The following NF1 variants were observed in gnomAD, a reference collection of about 807,000 sequenced individuals.
NF1 encodes neurofibromin 1.
Under a neutral mutation model 325.7 loss-of-function variants are expected in NF1, and 122 were observed. The observed-to-expected ratio is 0.37, with a 90% CI of 0.32 to 0.44. The LOEUF is 0.44. Ranked by LOEUF, NF1 falls within the 20% of genes least tolerant of loss-of-function variation. The pLI is 1.00. For missense variants in NF1, 2,140 were observed against 3,415.4 expected (o/e 0.63, Z 9.31); for synonymous variants, 1,091 against 1,186.0 (o/e 0.92, Z 1.65).
intron 36 of NF1, among the ~76,000 whole-genome samples, chr17:31,275,577 TG>T (rs2067990829): frequency 6.6e-6 from 1 of 152,216 alleles, no homozygotes; most frequent in Non-Finnish European, 1.5e-5. Context: ...CAGCATATAT[TG>T]GGTTCAATAC....
intron 38 of NF1, among the ~76,000 whole-genome samples, chr17:31,329,281 C>T (rs2069422588): frequency 6.6e-6 from 1 of 152,202 alleles, no homozygotes; most frequent in Non-Finnish European, 1.5e-5. Context: ...ATTCAAAGAT[C>T]TTCATTGAAA....
At chr17:31,197,087 C>T (rs2066446211) in intron 8 of NF1, among the ~76,000 whole-genome samples, 1 of 151,840 alleles carries the variant, frequency 6.6e-6, no homozygotes, top group Non-Finnish European at 1.5e-5. Context: ...CTCTGTTGCC[C>T]AGGCTGGAGT....
intron 36 of NF1, among the ~76,000 whole-genome samples, chr17:31,266,955 G>C (rs17884795): frequency 6.6e-6 from 1 of 150,534 alleles, no homozygotes; most frequent in Non-Finnish European, 1.5e-5. Context: ...TTTTGAAATG[G>C]AGTTTCACTC....
rs117255670 is a variant in NF1, at chr17:31,322,763, A to G, written c.4836-3057A>G. On this transcript the variant is annotated intron_variant, in intron 36 of 57. Transcript: ENST00000358273. ...CTGTTCATGATAGCAACATTCTAAT[A>G]TCAGAGGCTTAGTATACAACACATC... is the stretch of plus-strand genomic sequence containing the variant. Among the ~76,000 whole-genome samples, 754 of 152,310 alleles carry G rather than the reference A, an allele frequency of 5.0e-3. 6 individuals are homozygous for G. Among genetic ancestry groups the G allele is most frequent in the Non-Finnish European group, 9.1e-3 (618 of 68,012 alleles).
chr17:31,278,203 A>C (rs1205889935), intron 36 of NF1: 1 of 152,224 alleles, frequency 6.6e-6, no homozygotes, highest in Admixed American at 6.5e-5. Context: ...AAATGTTTCC[A>C]GAACTGTCTT....
chr17:31,349,109 G>T lies in NF1; in HGVS notation c.7190-11G>T. The T allele has an allele frequency of 6.4e-7, 1 of 1,568,768 alleles. No individual in the cohort carries two copies. Among genetic ancestry groups the T allele is most frequent in the South Asian group, 1.2e-5 (1 of 86,158 alleles). ...TACTTGTTTGTTTGTTTGTTTGTTT[G>T]TTTTTTGTAGGGTACAGGCATCCTT... On this transcript the variant is annotated splice_polypyrimidine_tract_variant and intron_variant, in intron 48 of 57. Transcript: ENST00000358273.
rs1254791952 is a variant in NF1, at chr17:31,259,022, T to C, written c.4333-10T>C. ...AATCTGATTATTTATAACCCTGTTT[T>C]ATTGTGTAGATACTTCAGAGTATTG... is the stretch of plus-strand genomic sequence containing the variant. On this transcript the variant is annotated splice_polypyrimidine_tract_variant and intron_variant, in intron 32 of 57. Coordinates refer to ENST00000358273, the MANE Select transcript of NF1 (RefSeq NM_001042492.3). 6.5e-7 allele frequency: 1 copy of C among 1,541,036 alleles called. No individual in the cohort carries two copies. The highest frequency in any genetic ancestry group is 8.9e-7 in the Non-Finnish European group (1 of 1,121,174).
intron 36 of NF1, among the ~76,000 whole-genome samples, chr17:31,278,407 GT>G (rs376109355): frequency 0.68 from 74,273 of 109,556 alleles, 23,542 homozygotes; most frequent in Middle Eastern, 0.84. Flanking sequence ...GATTTTTTGG[GT>G]TTTTTTTTTT....
chr17:31,296,435 G>T, intron 36 of NF1: 1 of 1,118,210 alleles, frequency 8.9e-7, no homozygotes. Flanking sequence ...AATAAACCTC[G>T]TTGTTGTCGA....
chr17:31,134,912 T>C (rs1423010554), intron 1 of NF1, among the ~76,000 whole-genome samples: 2 of 152,122 alleles, frequency 1.3e-5, no homozygotes, highest in Admixed American at 6.6e-5. Flanking sequence ...ACAACCCGAA[T>C]ACCAGATGAG....
chr17:31,166,596 G>A (rs1470869873), intron 4 of NF1, among the ~76,000 whole-genome samples: 1 of 152,144 alleles, frequency 6.6e-6, no homozygotes, highest in Non-Finnish European at 1.5e-5. Flanking sequence ...ACTCTTAGAA[G>A]GTAAACAGCT....
intron 29 of NF1, among the ~76,000 whole-genome samples, chr17:31,244,928 C>A (rs1214711956): frequency 3.3e-5 from 5 of 152,186 alleles, no homozygotes; most frequent in African/African-American, 1.2e-4. Context: ...CTTTGAAAAT[C>A]AACTTGGGAA....
At position 31,115,401 on chromosome 17, in the gene NF1, G is replaced by C. The variant is rs577782954; in HGVS notation, c.60+20032G>C. Among the ~76,000 whole-genome samples, 173 of 152,290 alleles carry C rather than the reference G, an allele frequency of 1.1e-3. 1 individual carries two copies. The highest frequency in any genetic ancestry group is 3.9e-3 in the African/African-American group (162 of 41,584). On this transcript the variant is annotated intron_variant, in intron 1 of 57. Transcript: ENST00000358273. ...GTGGAACTGTGTGGAATCATTCCCT[G>C]CTTGGGAACCAAGGCCTCCAATCCA...
chr17:31,274,948 G>C (rs905888472), intron 36 of NF1, among the ~76,000 whole-genome samples: 2 of 151,858 alleles, frequency 1.3e-5, no homozygotes, highest in Admixed American at 1.3e-4. Context: ...ATAATCTCTT[G>C]GTTAATTGTA....
At chr17:31,368,131 T>A (rs1218543819) in intron 57 of NF1, among the ~76,000 whole-genome samples, 1 of 152,154 alleles carries the variant, frequency 6.6e-6, no homozygotes, top group Non-Finnish European at 1.5e-5. Flanking sequence ...TGAACGTCAT[T>A]TTTAAAAATT....
intron 31 of NF1, among the ~76,000 whole-genome samples, chr17:31,257,410 A>G (rs1045474237): frequency 6.6e-6 from 1 of 152,204 alleles, no homozygotes; most frequent in African/African-American, 2.4e-5. Flanking sequence ...ACTGCAAAAT[A>G]TAATTTTCAT....
In NF1 at chr17:31,327,784, G is replaced by A. The variant is rs1436590774; in HGVS notation, c.5554G>A (p.Gly1852Arg). Residue 1852 changes from glycine (G) to arginine (R), a missense_variant, in exon 38 of 58, where the codon GGG (glycine) becomes AGG (arginine). Transcript: ENST00000358273. ...CAAGATTCGGCCAAAAGATGTCCCT[G>A]GGACACTGCTCAATATCGCATTACT... ...HTKIRPKDVP[G>R]TLLNIALLNL... 1 of 1,614,118 alleles carries A rather than the reference G, an allele frequency of 6.2e-7. No homozygotes were observed. Among genetic ancestry groups the A allele is most frequent in the Non-Finnish European group, 8.5e-7 (1 of 1,180,024 alleles).
Position 31,330,416 on chromosome 17 carries a change from T to G in NF1, c.5730T>G (p.Ser1910=). 6.2e-7 allele frequency: 1 copy of G among 1,613,808 alleles called. No individual in the cohort carries two copies. Among genetic ancestry groups the G allele is most frequent in the Non-Finnish European group, 8.5e-7 (1 of 1,179,690 alleles). ...CCAACAACACCCTCTTTATTGTCTC[T>G]ATTAGTAAGACACTGGCAGCCAATG... The part of the protein sequence containing the change: ...IPANNTLFIV[S]ISKTLAANEP... The change falls in exon 39 of 58, where the codon TCT becomes TCG. Residue 1910 remains serine, a synonymous_variant. Coordinates refer to ENST00000358273, the MANE Select transcript of NF1 (RefSeq NM_001042492.3).
intron 56 of NF1, 107 bp from the exon 57 acceptor site, chr17:31,360,380 G>T (rs545260566): frequency 2.1e-6 from 2 of 941,432 alleles, no homozygotes; most frequent in Non-Finnish European, 3.3e-6. Context: ...GTAATACAAA[G>T]GAAGAAAAAT....
Sources: allele counts gnomAD v4.1 joint callset (sites outside exome capture counted in the v4.1 genomes callset), GRCh38; gene constraint gnomAD v4.1.1; transcripts MANE v1.5; gene names NCBI Gene and HGNC (gene_info 2026-07-23, HGNC 2026-07-21).